The following ZNF346 variants were observed in gnomAD, a reference collection of about 807,000 sequenced individuals.
ZNF346 encodes double-stranded RNA-binding zinc finger protein JAZ.
A neutral mutation model predicts 33.7 loss-of-function variants in ZNF346; 23 were observed. That is an observed-to-expected ratio of 0.68 (90% CI 0.49 to 0.97). The LOEUF (loss-of-function observed/expected upper bound fraction) is 0.97. Among genes scored for constraint, ZNF346 ranks in the 50% least tolerant of loss-of-function variants. The pLI, the probability that ZNF346 is intolerant of heterozygous loss-of-function variation, is 0.00. For missense variants in ZNF346, 340 were observed against 371.1 expected (o/e 0.92, Z 0.69); for synonymous variants, 134 against 142.4 (o/e 0.94, Z 0.42).
chr5:177,077,612 T>C lies in ZNF346; in HGVS notation c.*3-1770T>C, dbSNP rs978802265. On this transcript the variant is annotated intron_variant, in intron 8 of 8. Transcript: ENST00000503039. This position sits in a 1 kb window ranked among gnomAD's most constrained non-coding sequence, Gnocchi z 5.0. ...AGACTGGCTCCCATTGGCCCTCCCATGGTCACATGCTCATCTCTGACTTAA... is the reference window on the plus strand; with the variant it reads ...AGACTGGCTCCCATTGGCCCTCCCACGGTCACATGCTCATCTCTGACTTAA... Among the ~76,000 whole-genome samples the C allele has an allele frequency of 2.0e-5, 3 of 152,116 alleles. No homozygotes were observed. Among genetic ancestry groups the C allele is most frequent in the Non-Finnish European group, 2.9e-5 (2 of 68,024 alleles).
At chr5:177,023,130 T>TTCC (rs1372238457) in intron 1 of ZNF346, 2 of 1,489,234 alleles carry the variant, frequency 1.3e-6, no homozygotes, top group East Asian at 2.5e-5. Flanking sequence ...GCCCTGGGTT[T>TTCC]TCCTCCTCCT....
chr5:177,040,530 A>G (rs1779209720), intron 1 of ZNF346, among the ~76,000 whole-genome samples: 1 of 152,078 alleles, frequency 6.6e-6, no homozygotes, highest in Non-Finnish European at 1.5e-5. Context: ...TTTTTAGTAG[A>G]GACAGGGTTT....
chr5:177,062,705 C>G (rs1782693762), intron 6 of ZNF346, among the ~76,000 whole-genome samples: 1 of 152,172 alleles, frequency 6.6e-6, no homozygotes, highest in Admixed American at 6.6e-5. Context: ...CAGAGAGTTA[C>G]CTGTTCATGG....
At chr5:177,047,952 C>CCAAAAAA (rs1365224370) in intron 4 of ZNF346, among the ~76,000 whole-genome samples, 4 of 152,102 alleles carry the variant, frequency 2.6e-5, no homozygotes, top group Non-Finnish European at 5.9e-5. Flanking sequence ...CAATTGCCTT[C>CCAAAAAA]TATATGTTTT....
At chr5:177,053,321 A>G (rs1216104719) in intron 5 of ZNF346, among the ~76,000 whole-genome samples, 2 of 150,992 alleles carry the variant, frequency 1.3e-5, no homozygotes, top group Non-Finnish European at 3.0e-5. Flanking sequence ...TCATCTCAAA[A>G]AAAAAAAAAA....
intron 5 of ZNF346, among the ~76,000 whole-genome samples, chr5:177,056,937 CAAG>C (rs1293354228): frequency 6.6e-6 from 1 of 152,240 alleles, no homozygotes; most frequent in East Asian, 1.9e-4. Context: ...AAATAAAAAA[CAAG>C]AAATTATTAC....
rs1190479528 is a variant in ZNF346 at position 177,065,493 on chromosome 5, C to G, written c.*894C>G. On this transcript the variant is annotated 3_prime_UTR_variant, in exon 7 of 7. Coordinates refer to ENST00000358149, the MANE Select transcript of ZNF346 (RefSeq NM_012279.4). ...CCCTCGGCCCTACTAGCCCTCTCTT[C>G]CCCCTTGTGCAGCGGACCACTTGCC... The G allele has an allele frequency of 6.5e-6, 1 of 152,678 alleles. No homozygotes were observed. Among genetic ancestry groups the G allele is most frequent in the Non-Finnish European group, 1.5e-5 (1 of 68,066 alleles). The allele number at this position is 152,678 out of a possible 1,614,324, so 9.5% of individuals were successfully genotyped here.
At chr5:177,075,927 T>C (rs1180081038) in intron 8 of ZNF346, among the ~76,000 whole-genome samples, 2 of 152,230 alleles carry the variant, frequency 1.3e-5, no homozygotes, top group East Asian at 1.9e-4. Flanking sequence ...CCTCAGGCGA[T>C]TGACCTGCCT....
chr5:177,035,697 A>G (rs1246564963), intron 1 of ZNF346, among the ~76,000 whole-genome samples: 2 of 137,994 alleles, frequency 1.4e-5, no homozygotes, highest in African/African-American at 5.5e-5. Flanking sequence ...GTGCAGTGGC[A>G]TGATCTCGGC....
intron 5 of ZNF346, among the ~76,000 whole-genome samples, chr5:177,051,383 G>A (rs1044944704): frequency 6.6e-6 from 1 of 151,642 alleles, no homozygotes; most frequent in African/African-American, 2.4e-5. Context: ...CACCATGTTA[G>A]CCAGGATGGT....
chr5:177,047,398 C>A (rs1388612499), intron 4 of ZNF346, among the ~76,000 whole-genome samples: 1 of 149,936 alleles, frequency 6.7e-6, no homozygotes, highest in African/African-American at 2.5e-5. Flanking sequence ...AGTGAAATGG[C>A]GCAATCTCAG....
At chr5:177,023,865 A>T (rs1776276428) in intron 1 of ZNF346, among the ~76,000 whole-genome samples, 1 of 151,946 alleles carries the variant, frequency 6.6e-6, no homozygotes, top group African/African-American at 2.4e-5. Flanking sequence ...TTGTGAACTG[A>T]CTGCCCTGGA....
In ZNF346 at chr5:177,022,787, G is replaced by A. The variant is rs1385387855; in HGVS notation, c.49G>A (p.Ala17Thr). The stretch of plus-strand genomic sequence containing the variant: ...GGTGCAGGCCGCGGACGGCGGAGCG[G>A]CCGGGCCTTACAGCAGCTCGGAGTT... ...ATVQAADGGA[A>T]GPYSSSELLE... Residue 17 changes from alanine to threonine, a missense_variant, in exon 1 of 7, where the codon GCC becomes ACC. Ala to Thr is a moderately conservative substitution (Grantham distance 58). Transcript: ENST00000358149. 1.3e-6 allele frequency: 2 copies of A among 1,548,828 alleles called. No homozygotes were observed. Among genetic ancestry groups the A allele is most frequent in the Non-Finnish European group, 1.7e-6 (2 of 1,148,846 alleles).
intron 1 of ZNF346, among the ~76,000 whole-genome samples, chr5:177,030,272 T>G (rs1777482194): frequency 6.6e-6 from 1 of 152,140 alleles, no homozygotes; most frequent in Non-Finnish European, 1.5e-5. Flanking sequence ...TGATTTCTGA[T>G]TAAATTCCAT....
downstream of ZNF346, among the ~76,000 whole-genome samples, chr5:177,069,773 C>A (rs1422943569): frequency 6.6e-6 from 1 of 152,110 alleles, no homozygotes. Context: ...GTGATCCTCC[C>A]GCCTCAGCCT....
intron 5 of ZNF346, among the ~76,000 whole-genome samples, chr5:177,056,075 C>CAA (rs386405776): frequency 0.011 from 1,061 of 97,080 alleles, 14 homozygotes; most frequent in Middle Eastern, 0.028. Context: ...GACTCCGTCT[C>CAA]AAAAAAAAAA....
At chr5:177,058,847 A>C (rs964341921) in intron 5 of ZNF346, among the ~76,000 whole-genome samples, 1 of 152,184 alleles carries the variant, frequency 6.6e-6, no homozygotes, top group African/African-American at 2.4e-5. Context: ...GTTGACCTAG[A>C]ATATGCAGGT....
At position 177,022,730 on chromosome 5, in the gene ZNF346, G is replaced by A. The variant is rs752548766; in HGVS notation, c.-9G>A. On this transcript the variant is annotated 5_prime_UTR_variant, in exon 1 of 7. Transcript: ENST00000358149. ...AGAGGCTCTCTACCGGTGAGGGTTT[G>A]CGGGGAAGATGGAGTATCCCGCGCC... is the stretch of plus-strand genomic sequence containing the variant. 5 of 1,547,464 alleles carry A rather than the reference G, an allele frequency of 3.2e-6. No individual in the cohort carries two copies. In the African/African-American group the frequency reaches 4.2e-5, roughly 13 times the overall value.
At chr5:177,030,560 G>T (rs1284691276) in intron 1 of ZNF346, among the ~76,000 whole-genome samples, 1 of 151,878 alleles carries the variant, frequency 6.6e-6, no homozygotes, top group Non-Finnish European at 1.5e-5. Flanking sequence ...GCCCGCCTCA[G>T]CCTCCCAAAG....
Sources: gnomAD v4.1 joint callset for allele counts (sites outside exome capture counted in the v4.1 genomes callset) on GRCh38, gnomAD v4.1.1 for gene constraint, Gnocchi (gnomAD v3.1) non-coding constraint, MANE v1.5 for transcripts, NCBI Gene and HGNC (gene_info 2026-07-23, HGNC 2026-07-21) for gene names.